Variants in ECRG4 observed in about 807,000 individuals in gnomAD.
ECRG4 encodes augurin.
Under a neutral mutation model 15.8 loss-of-function variants are expected in ECRG4, and 18 were observed. That is an observed-to-expected ratio of 1.14 (90% CI 0.79 to 1.69). The LOEUF is 1.69. ECRG4 is among the 40% of genes most tolerant of loss of function. ECRG4 has a pLI of 0.00. For missense variants in ECRG4, 200 were observed against 190.9 expected (o/e 1.05, Z -0.28); for synonymous variants, 82 against 73.9 (o/e 1.11, Z -0.56).
At position 106,065,878 on chromosome 2, in the gene ECRG4, C is replaced by T. The variant is rs754088816; in HGVS notation, c.79+35C>T. On this transcript the variant is annotated intron_variant, in intron 1 of 3. Transcript: ENST00000238044. Reference sequence around the variant, plus strand: ...GCGATGCCAGGCTGATTGATAGCGGCACCAGGGGTTGGCCCCATGTGGCGC... The same window carrying T: ...GCGATGCCAGGCTGATTGATAGCGGTACCAGGGGTTGGCCCCATGTGGCGC... 3 of 1,453,200 alleles carry T rather than the reference C, an allele frequency of 2.1e-6. No homozygotes were observed. The South Asian group carries it at 4.1e-5, about 20-fold the overall frequency. 90.0% of individuals were successfully genotyped at this position (1,453,200 alleles called of 1,614,324 possible).
At chr2:106,076,446 C>A (rs1676488636) in intron 3 of ECRG4, among the ~76,000 whole-genome samples, 1 of 152,112 alleles carries the variant, frequency 6.6e-6, no homozygotes, top group Non-Finnish European at 1.5e-5. Context: ...TCGGTGTCCT[C>A]CTTCCCAAGG....
chr2:106,064,183 T>C (rs1237703873), upstream of ECRG4: 1 of 152,120 alleles, frequency 6.6e-6, no homozygotes, highest in African/African-American at 2.4e-5. Context: ...TGTAACATTA[T>C]CCTTCTGATT....
At chr2:106,071,366 G>GAAA (rs1380910377) in intron 1 of ECRG4, among the ~76,000 whole-genome samples, 4 of 110,126 alleles carry the variant, frequency 3.6e-5, no homozygotes, top group African/African-American at 1.5e-4. Context: ...AGAAAGAAAA[G>GAAA]AAAAGAAAAT....
rs903923412 is a variant in ECRG4, at chr2:106,077,870, C to T, written c.391C>T (p.Pro131Ser). ...CTATGATGAAGACTCTGCAATTGGT[C>T]CCCGGAGCCCCTACGGCTTTAGGCA... ...RHYDEDSAIG[P>S]RSPYGFRHGA... The change falls in exon 4 of 4, where the codon CCC becomes TCC. Residue 131 changes from proline (P) to serine (S), a missense_variant. Coordinates refer to ENST00000238044, the MANE Select transcript of ECRG4 (RefSeq NM_032411.3). 4 of 1,614,064 alleles carry T rather than the reference C, an allele frequency of 2.5e-6. No individual in the cohort carries two copies. The highest frequency in any genetic ancestry group is 3.4e-6 in the Non-Finnish European group (4 of 1,179,992).
At position 106,077,354 on chromosome 2, in the gene ECRG4, A is replaced by ATGCTTAATATAC. The variant is rs573233685; in HGVS notation, c.286-408_286-407insTTAATATACTGC. Among the ~76,000 whole-genome samples, 194 of 152,346 alleles carry ATGCTTAATATAC rather than the reference A, an allele frequency of 1.3e-3. 1 individual carries two copies. Among genetic ancestry groups the ATGCTTAATATAC allele is most frequent in the African/African-American group, 4.0e-3 (166 of 41,580 alleles). Reference sequence around the variant, plus strand: ...GCAACATTTATTAAGCATCTACTACATGCAGTATAAAGGGCCAGGCACAGG... The same window carrying ATGCTTAATATAC: ...GCAACATTTATTAAGCATCTACTACATGCTTAATATACTGCAGTATAAAGGGCCAGGCACAGG... On this transcript the variant is annotated intron_variant, in intron 3 of 3. Coordinates refer to ENST00000238044, the MANE Select transcript of ECRG4 (RefSeq NM_032411.3).
chr2:106,068,108 G>T (rs1457452211), intron 1 of ECRG4, among the ~76,000 whole-genome samples: 1 of 151,730 alleles, frequency 6.6e-6, no homozygotes, highest in Non-Finnish European at 1.5e-5. Context: ...GCTTCCCAAA[G>T]TGCTAGGATT....
intron 3 of ECRG4, 196 bp downstream of exon 3, chr2:106,074,239 AC>A: frequency 1.6e-6 from 1 of 617,552 alleles, no homozygotes; most frequent in Non-Finnish European, 2.7e-6. Flanking sequence ...GGAAGTTTCC[AC>A]CAGGGTACAT....
intron 1 of ECRG4, among the ~76,000 whole-genome samples, chr2:106,071,322 T>TAAAAAAGAAAAAAAAAAAAA: frequency 1.3e-5 from 1 of 78,332 alleles, no homozygotes; most frequent in Non-Finnish European, 2.3e-5. Flanking sequence ...GGTAAGGCTG[T>TAAAAAAGAAAAAAAAAAAAA]AAAAAAAAAA....
chr2:106,076,277 T>G (rs1676484956), intron 3 of ECRG4, among the ~76,000 whole-genome samples: 1 of 152,040 alleles, frequency 6.6e-6, no homozygotes, highest in Non-Finnish European at 1.5e-5. Flanking sequence ...GCTGAGATCA[T>G]GCCACTTCAC....
chr2:106,077,166 A>T (rs1676505163), intron 3 of ECRG4, among the ~76,000 whole-genome samples: 1 of 152,224 alleles, frequency 6.6e-6, no homozygotes, highest in Non-Finnish European at 1.5e-5. Flanking sequence ...TGCCCAGCAC[A>T]GGGCATGACA....
At chr2:106,072,598 C>T (rs1676394602) in intron 2 of ECRG4, among the ~76,000 whole-genome samples, 1 of 152,208 alleles carries the variant, frequency 6.6e-6, no homozygotes, top group Admixed American at 6.5e-5. Context: ...GTGGGGGATT[C>T]TAGCAGGCTG....
intron 3 of ECRG4, among the ~76,000 whole-genome samples, chr2:106,077,203 A>T (rs745721312): frequency 6.6e-6 from 1 of 152,362 alleles, no homozygotes; most frequent in Non-Finnish European, 1.5e-5. Flanking sequence ...AAGCATTTGC[A>T]GAATAAATAA....
Position 106,065,840 on chromosome 2 carries a change from C to T in ECRG4, c.76C>T (p.Pro26Ser). The part of the protein sequence containing the change: ...LALLLLLCWG[P>S]GGISGNKLKL... ...GCTGCTCCTGCTCCTGTGCTGGGGC[C>T]CAGGTGAGCGGGGCGATGCCAGGCT... The change falls in exon 1 of 4, where the codon CCA (proline) becomes TCA (serine). Residue 26 changes from proline to serine, a missense_variant. Physicochemically the swap from Pro to Ser is moderately conservative, Grantham distance 74. Coordinates refer to ENST00000238044, the MANE Select transcript of ECRG4 (RefSeq NM_032411.3). The T allele has an allele frequency of 6.8e-7, 1 of 1,479,866 alleles. No individual in the cohort carries two copies. Among genetic ancestry groups the T allele is most frequent in the Non-Finnish European group, 8.9e-7 (1 of 1,122,480 alleles). 91.7% of individuals were successfully genotyped at this position (1,479,866 alleles called of 1,614,324 possible).
At chr2:106,065,557 G>A, upstream of ECRG4, 1 of 392,548 alleles carries the variant, frequency 2.5e-6, no homozygotes, top group Non-Finnish European at 4.5e-6. Context: ...CGGGAGAGAG[G>A]ACCTCGGTGG....
rs1271384013 is a variant in ECRG4, at chr2:106,077,769, T to G, written c.290T>G (p.Phe97Cys). 3.1e-6 allele frequency: 5 copies of G among 1,613,708 alleles called. 1 individual carries two copies. In the South Asian group the frequency reaches 5.5e-5, roughly 18 times the overall value. ...FLYMGFDEAK[F>C]EDDITYWLNR... ...ATTCTCTCTCTTTTCCTCCAGAAAT[T>G]TGAAGATGACATCACCTATTGGCTT... Residue 97 changes from phenylalanine to cysteine, a missense_variant, in exon 4 of 4, where the codon TTT becomes TGT. By Grantham distance (205) the Phe-to-Cys change is radical (BLOSUM62 -2). Transcript: ENST00000238044.
intron 1 of ECRG4, among the ~76,000 whole-genome samples, chr2:106,069,344 T>G (rs1358726518): frequency 2.0e-5 from 3 of 150,278 alleles, no homozygotes; most frequent in Non-Finnish European, 4.4e-5. Context: ...TTTCTTTTTT[T>G]TTTTTCTGAG....
chr2:106,073,795 G>A lies in ECRG4; in HGVS notation c.128-91G>A, dbSNP rs1475328683. 2.0e-6 allele frequency: 3 copies of A among 1,467,710 alleles called. No homozygotes were observed. In the East Asian group the frequency reaches 6.9e-5, roughly 34 times the overall value. The allele number at this position is 1,467,710 out of a possible 1,614,324, so 90.9% of individuals were successfully genotyped here. On this transcript the variant is annotated intron_variant, in intron 2 of 3. Coordinates refer to ENST00000238044, the MANE Select transcript of ECRG4 (RefSeq NM_032411.3). ...GAGTCAAAACCCTCCTACACATGGT[G>A]GTGGGGGATGGGATGTATAACAGGG... is the stretch of plus-strand genomic sequence containing the variant.
intron 3 of ECRG4, 146 bp from the exon 4 acceptor site, chr2:106,077,619 C>T: frequency 1.4e-6 from 1 of 697,760 alleles, no homozygotes; most frequent in Non-Finnish European, 2.3e-6. Flanking sequence ...GGCCTCTGAG[C>T]ACAAGAATAC....
At chr2:106,073,864 G>A (rs1302653895) in intron 2 of ECRG4, 22 bp from the exon 3 acceptor site, 11 of 1,610,562 alleles carry the variant, frequency 6.8e-6, no homozygotes, top group African/African-American at 1.3e-5. Flanking sequence ...GTGCTTTGGG[G>A]ATGGGGAATT....
Sources: allele counts gnomAD v4.1 joint callset (sites outside exome capture counted in the v4.1 genomes callset), GRCh38; gene constraint gnomAD v4.1.1; transcripts MANE v1.5; gene names NCBI Gene and HGNC (gene_info 2026-07-23, HGNC 2026-07-21).